The following GRID2 variants were observed in gnomAD, a reference collection of about 807,000 sequenced individuals.
GRID2 encodes glutamate ionotropic receptor delta type subunit 2.
GRID2 carries 33 observed loss-of-function variants against 114.8 expected under a neutral mutation model. The ratio of observed to expected loss-of-function variants is 0.29; its 90% confidence interval spans 0.22 to 0.38. The LOEUF (loss-of-function observed/expected upper bound fraction) is 0.38. GRID2 is among the 10% of genes least tolerant of loss of function. The pLI is 1.00. For synonymous variants in GRID2, 505 were observed against 449.9 expected, an observed-to-expected ratio of 1.12 and a Z score of -1.55; for missense variants, 1,184 against 1,257.7, an observed-to-expected ratio of 0.94 and a Z score of 0.89.
intron 1 of GRID2, among the ~76,000 whole-genome samples, chr4:92,574,128 C>T (rs1727767584): frequency 6.6e-6 from 1 of 151,956 alleles, no homozygotes; most frequent in South Asian, 2.1e-4. Context: ...ATTGCAACCC[C>T]TGCTATTTTC....
intron 11 of GRID2, among the ~76,000 whole-genome samples, chr4:93,469,330 G>A (rs1211775628): frequency 6.6e-6 from 1 of 151,924 alleles, no homozygotes; most frequent in East Asian, 1.9e-4. Flanking sequence ...CATATATATG[G>A]TAAAAAATTC....
At chr4:92,812,928 C>T (rs1350137580) in intron 2 of GRID2, among the ~76,000 whole-genome samples, 1 of 152,078 alleles carries the variant, frequency 6.6e-6, no homozygotes, top group African/African-American at 2.4e-5. Context: ...TTATCTAAAC[C>T]CCTAGGTAAT....
intron 1 of GRID2, among the ~76,000 whole-genome samples, chr4:92,484,458 T>G (rs914434513): frequency 6.6e-6 from 1 of 152,188 alleles, no homozygotes; most frequent in Admixed American, 6.6e-5. Flanking sequence ...TGAATATTAA[T>G]TAACCACATC....
At chr4:92,775,326 GACT>G (rs1378560018) in intron 2 of GRID2, among the ~76,000 whole-genome samples, 1 of 152,082 alleles carries the variant, frequency 6.6e-6, no homozygotes, top group Non-Finnish European at 1.5e-5. Flanking sequence ...GTTGACTGTT[GACT>G]ACTGTTTCCT....
chr4:92,574,126 C>A (rs1241031011), intron 1 of GRID2, among the ~76,000 whole-genome samples: 1 of 151,836 alleles, frequency 6.6e-6, no homozygotes, highest in African/African-American at 2.4e-5. Context: ...GGATTGCAAC[C>A]CCTGCTATTT....
intron 2 of GRID2, among the ~76,000 whole-genome samples, chr4:93,075,922 G>C (rs1279972061): frequency 3.8e-5 from 1 of 26,066 alleles, no homozygotes; most frequent in Non-Finnish European, 8.7e-5. Flanking sequence ...TTTTTTTTTT[G>C]AGATGGAGTC....
intron 1 of GRID2, among the ~76,000 whole-genome samples, chr4:92,431,822 T>C (rs1303416791): frequency 6.6e-6 from 1 of 152,180 alleles, no homozygotes; most frequent in Non-Finnish European, 1.5e-5. Context: ...AAGAGTTAGG[T>C]ATTTATTGTA....
chr4:92,774,509 A>G (rs1024239105), intron 2 of GRID2, among the ~76,000 whole-genome samples: 12 of 151,952 alleles, frequency 7.9e-5, no homozygotes, highest in African/African-American at 2.7e-4. Flanking sequence ...ATTATCCCAT[A>G]CATTTAGATT....
At chr4:92,904,828 A>G (rs1747834762) in intron 2 of GRID2, among the ~76,000 whole-genome samples, 2 of 152,058 alleles carry the variant, frequency 1.3e-5, no homozygotes, top group South Asian at 4.1e-4. Context: ...AGGAGATTTT[A>G]TCATATCAAC....
chr4:93,606,588 G>T (rs942112598), intron 13 of GRID2, among the ~76,000 whole-genome samples: 1 of 152,156 alleles, frequency 6.6e-6, no homozygotes, highest in Admixed American at 6.5e-5. Flanking sequence ...CAGTGGTTGG[G>T]AAAGGGAAAT....
Position 93,433,176 on chromosome 4 carries a change from C to G in GRID2, c.1545+10208C>G, listed in dbSNP as rs181638765. Among the ~76,000 whole-genome samples, 7 of 152,272 alleles carry G rather than the reference C, an allele frequency of 4.6e-5. No homozygotes were observed. The East Asian group carries it at 1.4e-3, about 29-fold the overall frequency. On this transcript the variant is annotated intron_variant, in intron 10 of 15. Transcript: ENST00000282020. ...CTTTCTGCTCAATTTTTCTGAAAAC[C>G]TAAAACTGCTTTAGAAAATAATATC...
intron 12 of GRID2, 62 bp from the exon 13 acceptor site, chr4:93,515,154 T>C (rs2149490713): frequency 1.5e-6 from 1 of 672,060 alleles, no homozygotes; most frequent in East Asian, 2.9e-5. Flanking sequence ...TTTAACTTTA[T>C]TCCCACTTGA....
chr4:93,796,795 C>G (rs1247927373), intron 1 of GRID2, among the ~76,000 whole-genome samples: 1 of 152,192 alleles, frequency 6.6e-6, no homozygotes, highest in Non-Finnish European at 1.5e-5. Context: ...AGTGATCTAC[C>G]TGCCTTGGCC....
chr4:92,523,379 G>A (rs907750038), intron 1 of GRID2, among the ~76,000 whole-genome samples: 11 of 152,040 alleles, frequency 7.2e-5, no homozygotes, highest in Admixed American at 2.6e-4. Flanking sequence ...CTGGGGACAG[G>A]TCCAAGCAGA....
At chr4:93,362,783 T>C (rs1002895020) in intron 8 of GRID2, among the ~76,000 whole-genome samples, 109 of 152,266 alleles carry the variant, frequency 7.2e-4, no homozygotes, top group African/African-American at 2.4e-3. Flanking sequence ...GCCTGCAAGT[T>C]GGGTGGAAAT....
chr4:93,075,372 C>A (rs1729168208), intron 2 of GRID2, among the ~76,000 whole-genome samples: 1 of 152,064 alleles, frequency 6.6e-6, no homozygotes, highest in Non-Finnish European at 1.5e-5. Flanking sequence ...ATATTATTTT[C>A]AATTGTGAAA....
chr4:92,767,961 C>T (rs1297762620), intron 2 of GRID2, among the ~76,000 whole-genome samples: 1 of 151,530 alleles, frequency 6.6e-6, no homozygotes, highest in Non-Finnish European at 1.5e-5. Flanking sequence ...ATGATCAGCA[C>T]ATAAGTGTTA....
chr4:92,945,667 T>G (rs1751570062), intron 2 of GRID2, among the ~76,000 whole-genome samples: 1 of 152,204 alleles, frequency 6.6e-6, no homozygotes, highest in African/African-American at 2.4e-5. Flanking sequence ...GCTTCAGTTT[T>G]TCCCAAATGA....
chr4:92,740,191 A>G (rs1049511902), intron 2 of GRID2, among the ~76,000 whole-genome samples: 3 of 152,206 alleles, frequency 2.0e-5, no homozygotes, highest in Non-Finnish European at 4.4e-5. Context: ...CAGCTCAAGT[A>G]AAAAGAGGTT....
Sources: allele counts gnomAD v4.1 joint callset (sites outside exome capture counted in the v4.1 genomes callset), GRCh38; gene constraint gnomAD v4.1.1; transcripts MANE v1.5; gene names NCBI Gene and HGNC (gene_info 2026-07-23, HGNC 2026-07-21).